The following OSBPL1A variants were observed in gnomAD, a reference collection of about 807,000 sequenced individuals.
OSBPL1A encodes oxysterol-binding protein-related protein 1.
OSBPL1A carries 80 observed loss-of-function variants against 137.1 expected under a neutral mutation model. That is an observed-to-expected ratio of 0.58 (90% CI 0.49 to 0.70). The LOEUF (loss-of-function observed/expected upper bound fraction) is 0.70. OSBPL1A is among the 30% of genes least tolerant of loss of function. The pLI is 0.00. For synonymous variants in OSBPL1A, 365 were observed against 389.7 expected (o/e 0.94, Z 0.75); for missense variants, 970 against 1,129.4 (o/e 0.86, Z 2.02).
In OSBPL1A at chr18:24,238,824, C is replaced by G. The variant is rs113712105; in HGVS notation, c.1444+396G>C. Among the ~76,000 whole-genome samples, 489 of 152,308 alleles carry G rather than the reference C, an allele frequency of 3.2e-3. 2 individuals carry two copies. The highest frequency in any genetic ancestry group is 0.011 in the African/African-American group (477 of 41,566). ...GTGCTATCACCAAGCACTTGCGCTT[C>G]GTTACCTGTATTCTTTATATAAAGA... On this transcript the variant is annotated intron_variant, in intron 16 of 27. Coordinates refer to ENST00000319481, the MANE Select transcript of OSBPL1A (RefSeq NM_080597.4).
intron 2 of OSBPL1A, among the ~76,000 whole-genome samples, chr18:24,371,755 T>C (rs774268352): frequency 9.2e-5 from 14 of 152,274 alleles, no homozygotes; most frequent in Non-Finnish European, 1.6e-4. Flanking sequence ...ATGAGGCTCA[T>C]CTCCCACCAG....
intron 16 of OSBPL1A, among the ~76,000 whole-genome samples, chr18:24,228,619 G>A (rs1345267658): frequency 6.6e-6 from 1 of 152,170 alleles, no homozygotes; most frequent in Non-Finnish European, 1.5e-5. Flanking sequence ...GGTGATCACA[G>A]GAGTCTGAAT....
intron 14 of OSBPL1A, among the ~76,000 whole-genome samples, chr18:24,296,551 G>A (rs2090296139): frequency 6.6e-6 from 1 of 152,154 alleles, no homozygotes; most frequent in Non-Finnish European, 1.5e-5. Flanking sequence ...TGAATAGGAA[G>A]TGGTAAAAGT....
chr18:24,264,882 G>T (rs1026833782), intron 15 of OSBPL1A, among the ~76,000 whole-genome samples: 1 of 152,286 alleles, frequency 6.6e-6, no homozygotes, highest in Admixed American at 6.5e-5. Context: ...AGCGGCATAT[G>T]CTTGGGCAAG....
chr18:24,276,909 G>A (rs2089857945), intron 15 of OSBPL1A, among the ~76,000 whole-genome samples: 1 of 152,190 alleles, frequency 6.6e-6, no homozygotes, highest in African/African-American at 2.4e-5. Flanking sequence ...TGCACACACT[G>A]TAAACCCCCA....
intron 21 of OSBPL1A, among the ~76,000 whole-genome samples, chr18:24,175,137 C>CGTATATATATATATATATATATAT (rs1199702207): frequency 3.9e-5 from 2 of 51,794 alleles, no homozygotes; most frequent in African/African-American, 8.1e-5. Flanking sequence ...TATATATATA[C>CGTATATATATATATATATATATAT]ACATATATAT....
chr18:24,228,100 C>T (rs890102013), intron 16 of OSBPL1A, among the ~76,000 whole-genome samples: 1 of 152,134 alleles, frequency 6.6e-6, no homozygotes, highest in South Asian at 2.1e-4. Context: ...TAAAGATCTA[C>T]GACCCACAAA....
chr18:24,266,556 G>A (rs975330258), intron 15 of OSBPL1A, among the ~76,000 whole-genome samples: 2 of 152,152 alleles, frequency 1.3e-5, no homozygotes, highest in African/African-American at 4.8e-5. Flanking sequence ...GAGGAAGAAG[G>A]TGAGCAGTAG....
At chr18:24,208,230 A>C (rs1230288202) in intron 17 of OSBPL1A, among the ~76,000 whole-genome samples, 1 of 152,142 alleles carries the variant, frequency 6.6e-6, no homozygotes, top group African/African-American at 2.4e-5. Flanking sequence ...TTAGAGAGTA[A>C]ATTACTGTAG....
At chr18:24,206,661 C>T (rs920858729) in intron 17 of OSBPL1A, among the ~76,000 whole-genome samples, 3 of 152,186 alleles carry the variant, frequency 2.0e-5, no homozygotes, top group Admixed American at 6.5e-5. Flanking sequence ...TGGGAGACTT[C>T]GAGCATGCTC....
At chr18:24,259,851 T>C (rs532502411) in intron 15 of OSBPL1A, among the ~76,000 whole-genome samples, 2 of 152,232 alleles carry the variant, frequency 1.3e-5, no homozygotes, top group Admixed American at 6.5e-5. Flanking sequence ...ATTTAAAACT[T>C]TGATGCATAA....
intron 15 of OSBPL1A, among the ~76,000 whole-genome samples, chr18:24,279,215 GA>G (rs1435588948): frequency 6.9e-6 from 1 of 145,132 alleles, no homozygotes; most frequent in African/African-American, 2.6e-5. Context: ...AGGAGTTCAG[GA>G]CCAACCTGGG....
At chr18:24,296,999 G>T (rs987710226) in intron 14 of OSBPL1A, among the ~76,000 whole-genome samples, 6 of 152,078 alleles carry the variant, frequency 3.9e-5, no homozygotes, top group African/African-American at 1.4e-4. Flanking sequence ...TGGTATTAGG[G>T]TGATACTGGC....
chr18:24,243,437 T>C (rs2088778613), intron 15 of OSBPL1A, among the ~76,000 whole-genome samples: 1 of 152,216 alleles, frequency 6.6e-6, no homozygotes, highest in Non-Finnish European at 1.5e-5. Flanking sequence ...GTTGACACCA[T>C]ATCTTTAAAT....
Position 24,271,653 on chromosome 18 carries a change from G to A in OSBPL1A, c.1281+9189C>T. On this transcript the variant is annotated intron_variant, in intron 15 of 27. Transcript: ENST00000319481. This position sits in a 1 kb window ranked among gnomAD's most constrained non-coding sequence, Gnocchi z 4.0. ...CAGATCCGAGGACCCCGGCTGGCGC[G>A]CTCCACCCTGCGCTCCTCGCAAGCT... 1 of 985,788 alleles carries A rather than the reference G, an allele frequency of 1.0e-6. No homozygotes were observed. Among genetic ancestry groups the A allele is most frequent in the Non-Finnish European group, 1.2e-6 (1 of 830,212 alleles). The allele number at this position is 985,788 out of a possible 1,614,324, so 61.1% of individuals were successfully genotyped here. A position where few individuals can be genotyped will look rare whatever the true frequency, so the allele number is the denominator to read the frequency against.
At chr18:24,311,835 C>G (rs573034445) in intron 13 of OSBPL1A, 149 bp downstream of exon 13, 1 of 888,078 alleles carries the variant, frequency 1.1e-6, no homozygotes, top group Non-Finnish European at 1.7e-6. Context: ...CATAAGCTAC[C>G]AACACAATGC....
intron 14 of OSBPL1A, among the ~76,000 whole-genome samples, chr18:24,298,654 T>C (rs577902600): frequency 6.6e-6 from 1 of 152,310 alleles, no homozygotes; most frequent in South Asian, 2.1e-4. Context: ...CGCCCTGAAA[T>C]CTTTCTTGCA....
At chr18:24,237,317 G>A (rs1487831481) in intron 16 of OSBPL1A, among the ~76,000 whole-genome samples, 1 of 150,992 alleles carries the variant, frequency 6.6e-6, no homozygotes, top group Non-Finnish European at 1.5e-5. Flanking sequence ...GTTTTTTTTT[G>A]TTTGAGACAG....
intron 15 of OSBPL1A, among the ~76,000 whole-genome samples, chr18:24,247,986 A>G (rs1046191809): frequency 6.6e-6 from 1 of 152,154 alleles, no homozygotes; most frequent in African/African-American, 2.4e-5. Context: ...TGTTTGCAGA[A>G]GTGAGAGGGG....
Sources: allele counts gnomAD v4.1 joint callset (sites outside exome capture counted in the v4.1 genomes callset), GRCh38; gene constraint gnomAD v4.1.1; non-coding constraint Gnocchi (gnomAD v3.1); transcripts MANE v1.5; gene names NCBI Gene and HGNC (gene_info 2026-07-23, HGNC 2026-07-21).